Variants in PHF21B observed in about 807,000 individuals in gnomAD.
The protein encoded by PHF21B is PHD finger protein 4.
PHF21B carries 22 observed loss-of-function variants against 62.2 expected under a neutral mutation model. The ratio of observed to expected loss-of-function variants is 0.35; its 90% CI spans 0.25 to 0.51. PHF21B has a LOEUF of 0.51. PHF21B is among the 20% of genes least tolerant of loss of function. The pLI is 0.97. For missense variants in PHF21B, 701 were observed against 707.9 expected (o/e 0.99, Z 0.11); for synonymous variants, 341 against 314.7 (o/e 1.08, Z -0.88).
At chr22:44,930,873 A>G (rs1417308330) in intron 2 of PHF21B, among the ~76,000 whole-genome samples, 1 of 152,188 alleles carries the variant, frequency 6.6e-6, no homozygotes, top group Non-Finnish European at 1.5e-5. Flanking sequence ...TCCTGCCAGG[A>G]ACAGCTGTCC....
chr22:44,992,742 A>T (rs546846304), intron 2 of PHF21B, among the ~76,000 whole-genome samples: 1 of 152,216 alleles, frequency 6.6e-6, no homozygotes, highest in South Asian at 2.1e-4. Context: ...CATAAGAATG[A>T]GTGATGTGGC....
intron 5 of PHF21B, among the ~76,000 whole-genome samples, chr22:44,907,238 G>A (rs1183635965): frequency 3.9e-5 from 6 of 152,200 alleles, no homozygotes; most frequent in Non-Finnish European, 7.3e-5. Flanking sequence ...ATGTATTGCT[G>A]TAGGTGCCAT....
At chr22:44,911,984 GA>G (rs1322596953) in intron 5 of PHF21B, among the ~76,000 whole-genome samples, 3 of 152,256 alleles carry the variant, frequency 2.0e-5, no homozygotes, top group Non-Finnish European at 2.9e-5. Context: ...CCCAGCTCTT[GA>G]ATCAGCATGA....
chr22:44,933,785 G>A (rs2071790800), intron 2 of PHF21B, among the ~76,000 whole-genome samples: 1 of 152,060 alleles, frequency 6.6e-6, no homozygotes, highest in African/African-American at 2.4e-5. Flanking sequence ...ACACATGACT[G>A]CCCCAAGCAA....
At chr22:44,980,405 T>C (rs2072818781) in intron 2 of PHF21B, among the ~76,000 whole-genome samples, 2 of 152,154 alleles carry the variant, frequency 1.3e-5, no homozygotes, top group African/African-American at 2.4e-5. Flanking sequence ...CCTGAGTGTA[T>C]GTCCAGCACC....
intron 5 of PHF21B, among the ~76,000 whole-genome samples, chr22:44,910,814 C>T (rs938042263): frequency 7.0e-4 from 106 of 152,248 alleles, no homozygotes; most frequent in African/African-American, 2.6e-3. Flanking sequence ...AAAAGATACC[C>T]CAAAATGTGG....
At chr22:44,999,233 G>A (rs1177280572) in intron 2 of PHF21B, among the ~76,000 whole-genome samples, 2 of 152,156 alleles carry the variant, frequency 1.3e-5, no homozygotes, top group East Asian at 1.9e-4. Flanking sequence ...AAGCATATTC[G>A]TTCCTTCAGA....
Position 44,933,591 on chromosome 22 carries a change from C to T in PHF21B, c.121-13101G>A, listed in dbSNP as rs748560067. ...TCAACGGAAGTGCACGGGAAGGTCT[C>T]GGCTACATAGAAGGGGTAAGCGTTA... On this transcript the variant is annotated intron_variant, in intron 2 of 12. Transcript: ENST00000313237. The T allele has an allele frequency of 1.7e-5, 16 of 961,118 alleles. No homozygotes were observed. The South Asian group carries it at 6.3e-4, about 38-fold the overall frequency. 59.5% of individuals were successfully genotyped at this position (961,118 alleles called of 1,614,324 possible).
At chr22:45,007,527 T>C (rs1049963987) in intron 2 of PHF21B, among the ~76,000 whole-genome samples, 19 of 77,368 alleles carry the variant, frequency 2.5e-4, no homozygotes, top group Non-Finnish European at 3.7e-4. Flanking sequence ...ACGCGATCGA[T>C]GGCCGGGGGC....
rs141753415 is a variant in PHF21B, at chr22:44,960,125, C to T, written c.121-39635G>A. Among the ~76,000 whole-genome samples the T allele has an allele frequency of 1.6e-3, 242 of 152,274 alleles. 1 individual carries two copies. Among genetic ancestry groups the T allele is most frequent in the African/African-American group, 5.6e-3 (231 of 41,554 alleles). Reference sequence around the variant, plus strand: ...CACAAGGCCTGGCACCCAGTAGATGCTAAGTAAACATCCGCCTGAAAAGAC... The same window carrying T: ...CACAAGGCCTGGCACCCAGTAGATGTTAAGTAAACATCCGCCTGAAAAGAC... On this transcript the variant is annotated intron_variant, in intron 2 of 12. Transcript: ENST00000313237.
chr22:44,884,257 TCAC>T (rs1487767880), intron 12 of PHF21B, among the ~76,000 whole-genome samples: 1 of 132,902 alleles, frequency 7.5e-6, no homozygotes. Context: ...ACCACCATCA[TCAC>T]TACCACCATC....
intron 2 of PHF21B, among the ~76,000 whole-genome samples, chr22:44,981,911 T>C (rs950201361): frequency 1.3e-5 from 2 of 152,350 alleles, no homozygotes; most frequent in South Asian, 4.1e-4. Context: ...AACTGGCTGG[T>C]GCCTGCACAC....
At position 44,913,810 on chromosome 22, in the gene PHF21B, G is replaced by A; in HGVS notation, c.831+12C>T. 6.2e-7 allele frequency: 1 copy of A among 1,610,190 alleles called. No homozygotes were observed. The highest frequency in any genetic ancestry group is 8.5e-7 in the Non-Finnish European group (1 of 1,178,578). On this transcript the variant is annotated intron_variant, in intron 5 of 12. Coordinates refer to ENST00000313237, the MANE Select transcript of PHF21B (RefSeq NM_138415.5). ...GAGCAGGGCCTGGGCCCTCCGGAGA[G>A]GCCTGTCCTACCTCGGGGTTCTCCT... is the stretch of plus-strand genomic sequence containing the variant.
intron 2 of PHF21B, among the ~76,000 whole-genome samples, chr22:44,990,481 G>A (rs1304372416): frequency 1.3e-5 from 2 of 152,194 alleles, no homozygotes; most frequent in African/African-American, 2.4e-5. Flanking sequence ...CGCACAGCCT[G>A]AAAAAGGAAG....
intron 5 of PHF21B, among the ~76,000 whole-genome samples, chr22:44,898,899 G>A (rs944482749): frequency 4.6e-5 from 7 of 152,046 alleles, no homozygotes; most frequent in Non-Finnish European, 8.8e-5. Flanking sequence ...CCATCTTCCC[G>A]TGTTTCACTG....
chr22:44,976,965 CTG>C (rs1487413813), intron 2 of PHF21B, among the ~76,000 whole-genome samples: 2 of 152,014 alleles, frequency 1.3e-5, no homozygotes, highest in Non-Finnish European at 2.9e-5. Flanking sequence ...TGGCAAAACC[CTG>C]TGTCTACAAA....
chr22:44,963,502 T>A (rs1381072051), intron 2 of PHF21B, among the ~76,000 whole-genome samples: 1 of 152,182 alleles, frequency 6.6e-6, no homozygotes, highest in Non-Finnish European at 1.5e-5. Flanking sequence ...GTTTCTCCAA[T>A]CCTTTCTCAG....
In PHF21B at chr22:44,889,746, G is replaced by C; in HGVS notation, c.1038+14C>G. The C allele has an allele frequency of 6.3e-7, 1 of 1,583,308 alleles. No homozygotes were observed. Among genetic ancestry groups the C allele is most frequent in the Non-Finnish European group, 8.6e-7 (1 of 1,168,080 alleles). On this transcript the variant is annotated intron_variant, in intron 9 of 12. Coordinates refer to ENST00000313237, the MANE Select transcript of PHF21B (RefSeq NM_138415.5). ...CACCCCGGAAGTGTGAAGACGGAGG[G>C]AGGGGACACGTACCTTCCAGCAGGG...
At position 44,899,788 on chromosome 22, in the gene PHF21B, A is replaced by G. The variant is rs373236700; in HGVS notation, c.832-3705T>C. Reference sequence around the variant, plus strand: ...AAATGGGGTTGTGTATAAAGCTTCTAACAGGTTACTGTGTTGCTATGAAGA... The same window carrying G: ...AAATGGGGTTGTGTATAAAGCTTCTGACAGGTTACTGTGTTGCTATGAAGA... On this transcript the variant is annotated intron_variant, in intron 5 of 12. Transcript: ENST00000313237. 2.6e-5 allele frequency among the ~76,000 whole-genome samples: 4 copies of G among 152,268 alleles called. No homozygotes were observed. In the East Asian group the frequency reaches 5.8e-4, roughly 22 times the overall value.
Sources: gnomAD v4.1 joint callset for allele counts (sites outside exome capture counted in the v4.1 genomes callset) on GRCh38, gnomAD v4.1.1 for gene constraint, MANE v1.5 for transcripts, NCBI Gene and HGNC (gene_info 2026-07-23, HGNC 2026-07-21) for gene names.